LUZP2: variants seen among roughly 807,000 people sequenced by gnomAD.
The protein encoded by LUZP2 is leucine zipper protein 2.
Under a neutral mutation model 51.6 loss-of-function variants are expected in LUZP2, and 52 were observed. That is an observed-to-expected ratio of 1.01 (90% confidence interval 0.81 to 1.27). The LOEUF (loss-of-function observed/expected upper bound fraction) is 1.27, where lower values mean the gene tolerates loss of function less well. Ranked by LOEUF, LUZP2 falls within the 50% of genes most tolerant of loss-of-function variation. LUZP2 has a pLI of 0.00. For missense variants in LUZP2, 436 were observed against 395.4 expected (o/e 1.10, Z -0.87); for synonymous variants, 154 against 137.3 (o/e 1.12, Z -0.85).
At chr11:24,914,582 T>A (rs763275760) in intron 7 of LUZP2, 44 bp downstream of exon 7, 1 of 1,255,816 alleles carries the variant, frequency 8.0e-7, no homozygotes, top group Non-Finnish European at 1.1e-6. Flanking sequence ...GCTAGCTCAA[T>A]ACCTAAAATA....
At chr11:24,623,076 A>AAGAGAG (rs1012354904) in intron 1 of LUZP2, among the ~76,000 whole-genome samples, 1 of 151,546 alleles carries the variant, frequency 6.6e-6, no homozygotes, top group South Asian at 2.1e-4. Flanking sequence ...ATGTGCTTTA[A>AAGAGAG]AGAGAGAGAG....
intron 1 of LUZP2, among the ~76,000 whole-genome samples, chr11:24,727,634 A>G (rs369337018): frequency 1.3e-5 from 2 of 152,066 alleles, no homozygotes; most frequent in African/African-American, 4.8e-5. Flanking sequence ...TTGGAAGGAA[A>G]TAAAAACATG....
In LUZP2 at chr11:24,799,333, C is replaced by T. The variant is rs995936929; in HGVS notation, c.396+36025C>T. Among the ~76,000 whole-genome samples the T allele has an allele frequency of 1.7e-4, 26 of 152,170 alleles. No individual in the cohort carries two copies. In the East Asian group the frequency reaches 2.5e-3, roughly 15 times the overall value. On this transcript the variant is annotated intron_variant, in intron 5 of 11. Coordinates refer to ENST00000336930, the MANE Select transcript of LUZP2 (RefSeq NM_001009909.4). ...TTCAAAGGGGCCGGGTGTGGTGGCT[C>T]ACGCCAGTAATTCTAGCACTTTGAG...
intron 7 of LUZP2, among the ~76,000 whole-genome samples, chr11:24,944,825 C>G (rs1305874265): frequency 6.6e-6 from 1 of 152,126 alleles, no homozygotes; most frequent in Non-Finnish European, 1.5e-5. Flanking sequence ...AAAGACATGC[C>G]TAAGTCAAGT....
intron 1 of LUZP2, among the ~76,000 whole-genome samples, chr11:24,709,863 T>C (rs995029675): frequency 1.1e-4 from 17 of 152,274 alleles, no homozygotes; most frequent in Admixed American, 1.0e-3. Flanking sequence ...GCAGTGAGTT[T>C]GTAGACAGGA....
rs528111474 is a variant in LUZP2, at chr11:24,947,440, C to T, written c.523-29151C>T. ...GAATAGCTTACACTAGAAAAATATC[C>T]ACATAGAAGTGGACCTGTGAAGTTC... On this transcript the variant is annotated intron_variant, in intron 7 of 11. Transcript: ENST00000336930. 5.3e-5 allele frequency among the ~76,000 whole-genome samples: 8 copies of T among 151,958 alleles called. No individual in the cohort carries two copies. The East Asian group carries it at 1.4e-3, about 26-fold the overall frequency.
intron 5 of LUZP2, among the ~76,000 whole-genome samples, chr11:24,823,836 G>C (rs1231258821): frequency 6.6e-6 from 1 of 152,106 alleles, no homozygotes; most frequent in Non-Finnish European, 1.5e-5. Context: ...GGCTGAGACG[G>C]GTGGATCACA....
At chr11:24,885,304 G>C (rs1409895665) in intron 5 of LUZP2, among the ~76,000 whole-genome samples, 1 of 151,988 alleles carries the variant, frequency 6.6e-6, no homozygotes. Context: ...GTAATAATAA[G>C]AGCTAAAATG....
At chr11:25,075,254 G>C (rs182161008) in intron 10 of LUZP2, among the ~76,000 whole-genome samples, 235 of 152,188 alleles carry the variant, frequency 1.5e-3, no homozygotes, top group African/African-American at 5.3e-3. Flanking sequence ...AAAGTATTTA[G>C]AATTAGGTGG....
chr11:24,572,321 T>C (rs747720545), intron 1 of LUZP2, among the ~76,000 whole-genome samples: 5 of 152,062 alleles, frequency 3.3e-5, no homozygotes, highest in Non-Finnish European at 5.9e-5. Flanking sequence ...TTACCAACCT[T>C]CTTACTATTT....
chr11:24,530,436 C>T (rs10834364), intron 1 of LUZP2, among the ~76,000 whole-genome samples: 19,034 of 150,786 alleles, frequency 0.13, 1,617 homozygotes, highest in African/African-American at 0.22. Flanking sequence ...CACACACATA[C>T]ATATACATAT....
At chr11:24,621,340 T>C (rs1171455787) in intron 1 of LUZP2, among the ~76,000 whole-genome samples, 1 of 152,224 alleles carries the variant, frequency 6.6e-6, no homozygotes, top group Non-Finnish European at 1.5e-5. Context: ...AACTGGAGTC[T>C]GTTTGACTTT....
At chr11:24,944,823 G>T (rs963028758) in intron 7 of LUZP2, among the ~76,000 whole-genome samples, 1 of 152,206 alleles carries the variant, frequency 6.6e-6, no homozygotes, top group Admixed American at 6.5e-5. Context: ...TGAAAGACAT[G>T]CCTAAGTCAA....
At chr11:24,682,864 C>T (rs7104472) in intron 1 of LUZP2, among the ~76,000 whole-genome samples, 1,696 of 151,468 alleles carry the variant, frequency 0.011, 33 homozygotes, top group African/African-American at 0.04. Flanking sequence ...ATTAGCTGGG[C>T]GTGATGGCGC....
intron 1 of LUZP2, among the ~76,000 whole-genome samples, chr11:24,651,918 T>C (rs1197499399): frequency 1.3e-5 from 2 of 152,128 alleles, no homozygotes; most frequent in African/African-American, 4.8e-5. Flanking sequence ...ATTTTGGATG[T>C]GCAAAGCCTT....
At chr11:24,609,449 G>T (rs1854042632) in intron 1 of LUZP2, among the ~76,000 whole-genome samples, 1 of 152,044 alleles carries the variant, frequency 6.6e-6, no homozygotes, top group Non-Finnish European at 1.5e-5. Context: ...ATAAAAGGCT[G>T]GGGCGGTGGC....
Position 24,690,543 on chromosome 11 carries a change from T to A in LUZP2, c.63-38626T>A, listed in dbSNP as rs544293172. 1.1e-3 allele frequency among the ~76,000 whole-genome samples: 174 copies of A among 152,256 alleles called. 1 individual carries two copies. Among genetic ancestry groups the A allele is most frequent in the African/African-American group, 3.9e-3 (161 of 41,574 alleles). On this transcript the variant is annotated intron_variant, in intron 1 of 11. Transcript: ENST00000336930. Reference sequence around the variant, plus strand: ...AGTAAAATATTTAAACTTCATTTGGTTAAGATTACAATTTATTTCCACTCT... The same window carrying A: ...AGTAAAATATTTAAACTTCATTTGGATAAGATTACAATTTATTTCCACTCT...
At position 25,050,146 on chromosome 11, in the gene LUZP2, G is replaced by A. The variant is rs770502430; in HGVS notation, c.858+16G>A. On this transcript the variant is annotated intron_variant, in intron 10 of 11. Coordinates refer to ENST00000336930, the MANE Select transcript of LUZP2 (RefSeq NM_001009909.4). The stretch of plus-strand genomic sequence containing the variant: ...CTCTCAAGATGTAAGAAAAACTTAA[G>A]ATGCTTTTTACAGTATTAGACAGGA... 18 of 1,533,896 alleles carry A rather than the reference G, an allele frequency of 1.2e-5. No individual in the cohort carries two copies. The Admixed American group carries it at 2.9e-4, about 25-fold the overall frequency.
chr11:24,764,899 T>A (rs1391691208), intron 5 of LUZP2, among the ~76,000 whole-genome samples: 7 of 152,288 alleles, frequency 4.6e-5, no homozygotes, highest in African/African-American at 1.4e-4. Flanking sequence ...TGGGAGGTTA[T>A]TTTTATAGTG....
Sources: gnomAD v4.1 joint callset for allele counts (sites outside exome capture counted in the v4.1 genomes callset) on GRCh38, gnomAD v4.1.1 for gene constraint, MANE v1.5 for transcripts, NCBI Gene and HGNC (gene_info 2026-07-23, HGNC 2026-07-21) for gene names.